The following ASCL5 variants were observed in gnomAD, a reference collection of about 807,000 sequenced individuals.
ASCL5 encodes the protein achaete-scute family bHLH transcription factor 5, also known as achaete-scute homolog 5.
For missense variants in ASCL5, 262 were observed against 268.9 expected (o/e 0.97, Z 0.18); for synonymous variants, 124 against 131.5 (o/e 0.94, Z 0.39).
At chr1:201,116,464 C>T (rs940354769) in intron 1 of ASCL5, among the ~76,000 whole-genome samples, 4 of 152,092 alleles carry the variant, frequency 2.6e-5, no homozygotes, top group Admixed American at 6.5e-5. Flanking sequence ...TCTCACCCCA[C>T]CCTGGGTTTC....
chr1:201,123,193 T>A (rs777131991), intron 1 of ASCL5, among the ~76,000 whole-genome samples: 1 of 152,168 alleles, frequency 6.6e-6, no homozygotes, highest in Non-Finnish European at 1.5e-5. Context: ...AATGTCCGAT[T>A]TTTCCCCTCC....
intron 1 of ASCL5, among the ~76,000 whole-genome samples, chr1:201,123,008 G>T (rs1401254021): frequency 6.6e-6 from 1 of 152,198 alleles, no homozygotes; most frequent in Non-Finnish European, 1.5e-5. Flanking sequence ...TCTTATTGCC[G>T]TTAAGGGACG....
chr1:201,119,296 C>G (rs965742070), intron 1 of ASCL5, among the ~76,000 whole-genome samples: 3 of 152,130 alleles, frequency 2.0e-5, no homozygotes, highest in African/African-American at 7.2e-5. Context: ...CAGCAGGAGC[C>G]CCCTTGCCTG....
At chr1:201,124,540 C>T (rs1049949440) in intron 1 of ASCL5, among the ~76,000 whole-genome samples, 4 of 147,770 alleles carry the variant, frequency 2.7e-5, no homozygotes, top group Non-Finnish European at 4.4e-5. Flanking sequence ...TTGTAGGTGA[C>T]GGCTATTTCA....
At position 201,115,153 on chromosome 1, in the gene ASCL5, C is replaced by G; in HGVS notation, c.220G>C (p.Gly74Arg). 2.6e-5 allele frequency: 32 copies of G among 1,231,656 alleles called. No individual in the cohort carries two copies. Among genetic ancestry groups the G allele is most frequent in the Non-Finnish European group, 3.2e-5 (32 of 987,954 alleles). The allele number at this position is 1,231,656 out of a possible 1,614,324, so 76.3% of individuals were successfully genotyped here. ...GGCTCGAAGGGGTATTCGTAGACCC[C>G]GAAGGCGCCGGGGAAGGGCACGTAG... ...FPYVPFPGAF[G>R]VYEYPFEPAF... Residue 74 changes from glycine to arginine, a missense_variant, in exon 2 of 2, where the codon GGG (glycine) becomes CGG (arginine). Transcript: ENST00000449188.
Position 201,114,583 on chromosome 1 carries a change from C to T in ASCL5, c.*169G>A. 1.8e-6 allele frequency: 1 copy of T among 542,192 alleles called. No individual in the cohort carries two copies. The highest frequency in any genetic ancestry group is 2.8e-6 in the Non-Finnish European group (1 of 361,618). 33.6% of individuals were successfully genotyped at this position (542,192 alleles called of 1,614,324 possible). A position where few individuals can be genotyped will look rare whatever the true frequency, so the allele number is the denominator to read the frequency against. On this transcript the variant is annotated 3_prime_UTR_variant, in exon 2 of 2. Coordinates refer to ENST00000449188, the MANE Select transcript of ASCL5 (RefSeq NM_001270601.2). The stretch of plus-strand genomic sequence containing the variant: ...TCGTACCCGCTGCCCTGCACTTCCG[C>T]CCCAAGCTGGTGGAGGAGGGAGGGT...
intron 1 of ASCL5, among the ~76,000 whole-genome samples, chr1:201,116,160 C>A (rs761663262): frequency 1.3e-5 from 2 of 152,174 alleles, no homozygotes; most frequent in Non-Finnish European, 2.9e-5. Flanking sequence ...GCAAAAAACA[C>A]CTCCTAAAGG....
intron 1 of ASCL5, among the ~76,000 whole-genome samples, chr1:201,125,868 C>T (rs1247326595): frequency 1.3e-5 from 2 of 152,164 alleles, no homozygotes; most frequent in East Asian, 1.9e-4. Context: ...GGTGGTCTCA[C>T]GAGCCGTGTC....
At chr1:201,126,446 TG>T in intron 1 of ASCL5, among the ~76,000 whole-genome samples, 1 of 152,350 alleles carries the variant, frequency 6.6e-6, no homozygotes, top group Admixed American at 6.5e-5. Flanking sequence ...ATGGGGAAAC[TG>T]AGGCTCAGCA....
intron 1 of ASCL5, among the ~76,000 whole-genome samples, chr1:201,122,016 A>T (rs903859411): frequency 6.6e-6 from 1 of 152,212 alleles, no homozygotes; most frequent in African/African-American, 2.4e-5. Context: ...TGACGGGTAT[A>T]GTTTCAACAC....
Position 201,116,373 on chromosome 1 carries a change from G to C in ASCL5, c.-505-496C>G, listed in dbSNP as rs570127388. On this transcript the variant is annotated intron_variant, in intron 1 of 1. Transcript: ENST00000449188. ...CTTTGATAACAAGGTAGGTGTTGCT[G>C]GTCCATTCAAAGCCCTCTGCCTGGC... Among the ~76,000 whole-genome samples, 9 of 152,232 alleles carry C rather than the reference G, an allele frequency of 5.9e-5. No homozygotes were observed. The South Asian group carries it at 1.7e-3, about 28-fold the overall frequency.
At chr1:201,124,641 T>C (rs568215715) in intron 1 of ASCL5, among the ~76,000 whole-genome samples, 1 of 152,324 alleles carries the variant, frequency 6.6e-6, no homozygotes, top group South Asian at 2.1e-4. Context: ...ATCATATTAA[T>C]AGATCCAGAG....
chr1:201,125,520 A>G (rs1346919268), intron 1 of ASCL5, among the ~76,000 whole-genome samples: 1 of 151,736 alleles, frequency 6.6e-6, no homozygotes, highest in East Asian at 1.9e-4. Flanking sequence ...TTGTCCACAG[A>G]GCTTTACTAC....
intron 1 of ASCL5, among the ~76,000 whole-genome samples, chr1:201,122,912 T>C (rs1237239657): frequency 6.6e-6 from 1 of 152,204 alleles, no homozygotes; most frequent in Non-Finnish European, 1.5e-5. Context: ...GTGAAGGTAA[T>C]AATACCTACC....
At chr1:201,117,342 A>G (rs1663369261) in intron 1 of ASCL5, among the ~76,000 whole-genome samples, 1 of 152,172 alleles carries the variant, frequency 6.6e-6, no homozygotes, top group South Asian at 2.1e-4. Context: ...AGGCTGAGAC[A>G]GAAGAATCGC....
Position 201,115,479 on chromosome 1 carries a change from C to G in ASCL5, c.-107G>C. The G allele has an allele frequency of 1.0e-6, 1 of 977,844 alleles. No individual in the cohort carries two copies. The highest frequency in any genetic ancestry group is 1.3e-6 in the Non-Finnish European group (1 of 757,022). The allele number at this position is 977,844 out of a possible 1,614,324, so 60.6% of individuals were successfully genotyped here. On this transcript the variant is annotated 5_prime_UTR_variant, in exon 2 of 2. Transcript: ENST00000449188. ...GCAAGTCACATCGCTAGCAGCAGCT[C>G]TTGGGTACCAGGACTTGCTAGGGCC...
In ASCL5 at chr1:201,115,552, A is replaced by G. The variant is rs1472522116; in HGVS notation, c.-180T>C. 2 of 415,758 alleles carry G rather than the reference A, an allele frequency of 4.8e-6. No homozygotes were observed. The highest frequency in any genetic ancestry group is 3.6e-5 in the East Asian group (1 of 27,656). The allele number at this position is 415,758 out of a possible 1,614,324, so 25.8% of individuals were successfully genotyped here. ...TTCCAATGACTCCCTAACAAGAGCC[A>G]TCGCCCTAGACAAGTGTGGCCCCTC... is the stretch of plus-strand genomic sequence containing the variant. On this transcript the variant is annotated 5_prime_UTR_variant, in exon 2 of 2. An upstream start codon of the reference 5' UTR is lost. Coordinates refer to ENST00000449188, the MANE Select transcript of ASCL5 (RefSeq NM_001270601.2).
In ASCL5 at chr1:201,114,581, C is replaced by T. The variant is rs969336649; in HGVS notation, c.*171G>A. 2 of 532,080 alleles carry T rather than the reference C, an allele frequency of 3.8e-6. No individual in the cohort carries two copies. Among genetic ancestry groups the T allele is most frequent in the African/African-American group, 2.0e-5 (1 of 50,798 alleles). The allele number at this position is 532,080 out of a possible 1,614,324, so 33.0% of individuals were successfully genotyped here. On this transcript the variant is annotated 3_prime_UTR_variant, in exon 2 of 2. Coordinates refer to ENST00000449188, the MANE Select transcript of ASCL5 (RefSeq NM_001270601.2). ...CATCGTACCCGCTGCCCTGCACTTC[C>T]GCCCCAAGCTGGTGGAGGAGGGAGG...
rs1190538495 is a variant in ASCL5 at position 201,114,453 on chromosome 1, C to T, written c.*299G>A. ...GGAGCCAGACCCAGGGATGACCGTC[C>T]TGGGGAGCCCCTCTGCACCCCGGAG... On this transcript the variant is annotated 3_prime_UTR_variant, in exon 2 of 2. Transcript: ENST00000449188. 3.8e-6 allele frequency: 1 copy of T among 265,914 alleles called. No homozygotes were observed. The highest frequency in any genetic ancestry group is 7.1e-6 in the Non-Finnish European group (1 of 141,838). The allele number at this position is 265,914 out of a possible 1,614,324, so 16.5% of individuals were successfully genotyped here.
Sources: gnomAD v4.1 joint callset for allele counts (sites outside exome capture counted in the v4.1 genomes callset) on GRCh38, gnomAD v4.1.1 for gene constraint, MANE v1.5 for transcripts, NCBI Gene and HGNC (gene_info 2026-07-23, HGNC 2026-07-21) for gene names.